The following SAV1 variants were observed in gnomAD, a reference collection of about 807,000 sequenced individuals.
SAV1 encodes the protein protein salvador homolog 1.
SAV1 carries 23 observed loss-of-function variants against 47.3 expected under a neutral mutation model. The observed-to-expected ratio is 0.49, with a 90% CI of 0.35 to 0.69. The LOEUF (loss-of-function observed/expected upper bound fraction) is 0.69, where lower values mean the gene tolerates loss of function less well. Among genes scored for constraint, SAV1 ranks in the 30% least tolerant of loss-of-function variants. SAV1 has a pLI of 0.01. For synonymous variants in SAV1, 155 were observed against 159.2 expected, an observed-to-expected ratio of 0.97 and a Z score of 0.20; for missense variants, 448 against 457.4, an observed-to-expected ratio of 0.98 and a Z score of 0.19.
intron 2 of SAV1, among the ~76,000 whole-genome samples, chr14:50,652,149 G>C (rs1000800427): frequency 6.6e-6 from 1 of 152,084 alleles, no homozygotes; most frequent in Non-Finnish European, 1.5e-5. Context: ...GCAAAAAGAA[G>C]GTAGTTCAAT....
Position 50,667,924 on chromosome 14 carries a change from G to A in SAV1, c.44C>T (p.Ala15Val). ...CTTCACGTACTTCCCCTGCACCTCG[G>A]CCGGCTTGGACACTTCGTTTTTGGT... ...KKTKNEVSKP[A>V]EVQGKYVKKE... The change falls in exon 1 of 5, where the codon GCC becomes GTC. Residue 15 changes from alanine to valine, a missense_variant. Coordinates refer to ENST00000324679, the MANE Select transcript of SAV1 (RefSeq NM_021818.4). 1.9e-6 allele frequency: 3 copies of A among 1,612,892 alleles called. No homozygotes were observed. The highest frequency in any genetic ancestry group is 2.5e-6 in the Non-Finnish European group (3 of 1,179,516).
intron 3 of SAV1, among the ~76,000 whole-genome samples, chr14:50,642,491 G>GAAAAAA (rs566683259): frequency 9.1e-6 from 1 of 109,752 alleles, no homozygotes; most frequent in Non-Finnish European, 2.0e-5. Context: ...CTCCGTCTCA[G>GAAAAAA]AAAAAAAAAA....
intron 3 of SAV1, among the ~76,000 whole-genome samples, chr14:50,643,864 A>T (rs531625089): frequency 4.6e-5 from 7 of 152,372 alleles, no homozygotes; most frequent in Admixed American, 1.3e-4. Flanking sequence ...ACACATTTTC[A>T]TAACTATTTT....
chr14:50,662,486 T>TTTTTTAA (rs2039868624), intron 2 of SAV1: 16 of 152,202 alleles, frequency 1.1e-4, no homozygotes, highest in Admixed American at 1.0e-3. Flanking sequence ...ATTTTTTTAA[T>TTTTTTAA]GACATACTTG....
At chr14:50,645,992 A>G (rs1210803310) in intron 2 of SAV1, among the ~76,000 whole-genome samples, 9 of 152,220 alleles carry the variant, frequency 5.9e-5, no homozygotes, top group Non-Finnish European at 1.3e-4. Context: ...TAAAAAACCT[A>G]TCACATTAAC....
chr14:50,648,771 C>G (rs2039743675), intron 2 of SAV1, among the ~76,000 whole-genome samples: 1 of 151,502 alleles, frequency 6.6e-6, no homozygotes, highest in African/African-American at 2.4e-5. Flanking sequence ...GAGCAAGACT[C>G]CGTCTCAAAA....
Position 50,667,133 on chromosome 14 carries a change from A to T in SAV1, c.94+741T>A, listed in dbSNP as rs77687967. Among the ~76,000 whole-genome samples, 876 of 152,248 alleles carry T rather than the reference A, an allele frequency of 5.8e-3. 10 individuals are homozygous for T. The highest frequency in any genetic ancestry group is 0.02 in the African/African-American group (822 of 41,536). ...AAAAATTCAAGAGATTCAACTCAAA[A>T]ATCAAATACTTACATTAAGAAGAAA... On this transcript the variant is annotated intron_variant, in intron 1 of 4. Transcript: ENST00000324679.
intron 2 of SAV1, among the ~76,000 whole-genome samples, chr14:50,657,054 T>C (rs1595648736): frequency 7.7e-6 from 1 of 129,754 alleles, no homozygotes; most frequent in African/African-American, 3.1e-5. Flanking sequence ...TGAGACGGAG[T>C]CTCACGCTGT....
At chr14:50,651,609 A>T (rs2934689) in intron 2 of SAV1, among the ~76,000 whole-genome samples, 1 of 151,924 alleles carries the variant, frequency 6.6e-6, no homozygotes, top group African/African-American at 2.4e-5. Flanking sequence ...TTCAAAGTGA[A>T]TTTTATGTAT....
chr14:50,639,309 A>C (rs1470811069), intron 4 of SAV1, among the ~76,000 whole-genome samples: 1 of 152,156 alleles, frequency 6.6e-6, no homozygotes, highest in Non-Finnish European at 1.5e-5. Flanking sequence ...CTGAAAAACA[A>C]AAGGAAGAAA....
chr14:50,667,291 C>A lies in SAV1; in HGVS notation c.94+583G>T, dbSNP rs10135282. ...CCTTCTTGGAATCTCACGAATATAG[C>A]CAAATACAAAGGCTTTTGGCTCTCT... On this transcript the variant is annotated intron_variant, in intron 1 of 4. Coordinates refer to ENST00000324679, the MANE Select transcript of SAV1 (RefSeq NM_021818.4). 2,493 of 304,680 alleles carry A rather than the reference C, an allele frequency of 8.2e-3. 55 individuals are homozygous for A. The highest frequency in any genetic ancestry group is 0.051 in the African/African-American group (2,327 of 45,476). 18.9% of individuals were successfully genotyped at this position (304,680 alleles called of 1,614,324 possible). A position where few individuals can be genotyped will look rare whatever the true frequency, so the allele number is the denominator to read the frequency against.
At chr14:50,657,535 A>G (rs2039823353) in intron 2 of SAV1, among the ~76,000 whole-genome samples, 1 of 152,236 alleles carries the variant, frequency 6.6e-6, no homozygotes, top group Admixed American at 6.5e-5. Flanking sequence ...CTCAGCAACA[A>G]AAGATCAATT....
At chr14:50,649,114 T>C (rs907285316) in intron 2 of SAV1, among the ~76,000 whole-genome samples, 3 of 152,192 alleles carry the variant, frequency 2.0e-5, no homozygotes, top group Non-Finnish European at 2.9e-5. Flanking sequence ...TGGCTGTTTA[T>C]TCTCCCTAGA....
At position 50,635,115 on chromosome 14, in the gene SAV1, G is replaced by A; in HGVS notation, c.*68C>T. 1 of 1,169,688 alleles carries A rather than the reference G, an allele frequency of 8.5e-7. No homozygotes were observed. The highest frequency in any genetic ancestry group is 1.3e-6 in the Non-Finnish European group (1 of 793,058). 72.5% of individuals were successfully genotyped at this position (1,169,688 alleles called of 1,614,324 possible). Reference sequence around the variant, plus strand: ...GCAGCATTTATTAACCAGAGTACTTGTTTGCAATTTTTTATCTGTGAAAAT... The same window carrying A: ...GCAGCATTTATTAACCAGAGTACTTATTTGCAATTTTTTATCTGTGAAAAT... On this transcript the variant is annotated 3_prime_UTR_variant, in exon 5 of 5. Transcript: ENST00000324679.
rs1041995527 is a variant in SAV1, at chr14:50,639,370, C to T, written c.950+1380G>A. ...TCTCTTTTTGTTGTGATAATTGATT[C>T]TCATTATCTAATTCATAGATAACCA... On this transcript the variant is annotated intron_variant, in intron 4 of 4. Transcript: ENST00000324679. Among the ~76,000 whole-genome samples, 46 of 152,118 alleles carry T rather than the reference C, an allele frequency of 3.0e-4. 1 individual carries two copies. The East Asian group carries it at 3.5e-3, about 11-fold the overall frequency.
chr14:50,634,352 ATTT>A lies in SAV1; in HGVS notation c.*828_*830del, dbSNP rs989936958. 2 of 289,398 alleles carry A rather than the reference ATTT, an allele frequency of 6.9e-6. No homozygotes were observed. Among genetic ancestry groups the A allele is most frequent in the African/African-American group, 4.4e-5 (2 of 45,118 alleles). 17.9% of individuals were successfully genotyped at this position (289,398 alleles called of 1,614,324 possible). ...TTCCTTATTTTGTTTTTATTTTTTT[ATTT>A]TTTATTTTTTGAGACAAGGTCTGGC... On this transcript the variant is annotated 3_prime_UTR_variant, in exon 5 of 5. Coordinates refer to ENST00000324679, the MANE Select transcript of SAV1 (RefSeq NM_021818.4).
At chr14:50,639,517 T>C (rs1200912332) in intron 4 of SAV1, among the ~76,000 whole-genome samples, 1 of 152,184 alleles carries the variant, frequency 6.6e-6, no homozygotes, top group East Asian at 1.9e-4. Flanking sequence ...TAAAGAAGTA[T>C]AGTACTTGCT....
chr14:50,658,374 TC>T (rs1243859844), intron 2 of SAV1, among the ~76,000 whole-genome samples: 4 of 152,216 alleles, frequency 2.6e-5, no homozygotes, highest in East Asian at 1.9e-4. Context: ...ACTAAAGACT[TC>T]CTGTTAACAG....
At chr14:50,639,984 C>T (rs1175099447) in intron 4 of SAV1, among the ~76,000 whole-genome samples, 1 of 152,030 alleles carries the variant, frequency 6.6e-6, no homozygotes, top group Admixed American at 6.6e-5. Context: ...CTTTTTCTGG[C>T]ACTAGTAGGG....
Sources: gnomAD v4.1 joint callset for allele counts (sites outside exome capture counted in the v4.1 genomes callset) on GRCh38, gnomAD v4.1.1 for gene constraint, MANE v1.5 for transcripts, NCBI Gene and HGNC (gene_info 2026-07-23, HGNC 2026-07-21) for gene names.